Variants in BRINP3 observed in about 807,000 individuals in gnomAD.
BRINP3 encodes the protein BMP/retinoic acid inducible neural specific 3, also known as BMP/retinoic acid-inducible neural-specific protein 3.
In BRINP3, 19 loss-of-function variants were observed where a neutral mutation model predicts 71.0. The observed-to-expected ratio is 0.27, with a 90% CI of 0.19 to 0.39. BRINP3 has a LOEUF of 0.39. Ranked by LOEUF, BRINP3 falls within the 10% of genes least tolerant of loss-of-function variation. The pLI is 1.00. For missense variants in BRINP3, 959 were observed against 940.8 expected, an observed-to-expected ratio of 1.02 and a Z score of -0.25; for synonymous variants, 380 against 337.7, an observed-to-expected ratio of 1.13 and a Z score of -1.37.
intron 2 of BRINP3, among the ~76,000 whole-genome samples, chr1:190,399,907 G>A (rs780376262): frequency 1.3e-5 from 2 of 151,986 alleles, no homozygotes; most frequent in Non-Finnish European, 2.9e-5. Flanking sequence ...TTTAAGTGGA[G>A]ATCTTAAATT....
intron 6 of BRINP3, among the ~76,000 whole-genome samples, chr1:190,197,459 TAA>T (rs1553257672): frequency 6.6e-6 from 1 of 152,186 alleles, no homozygotes; most frequent in Non-Finnish European, 1.5e-5. Context: ...TATGAGGCTG[TAA>T]AATCAAAAGC....
At chr1:190,164,156 T>A (rs1203457730) in intron 6 of BRINP3, among the ~76,000 whole-genome samples, 1 of 152,078 alleles carries the variant, frequency 6.6e-6, no homozygotes, top group Admixed American at 6.6e-5. Flanking sequence ...CTAATAAACG[T>A]AAAAAAACTT....
intron 7 of BRINP3, among the ~76,000 whole-genome samples, chr1:190,103,649 A>G (rs1017271928): frequency 2.7e-4 from 41 of 152,066 alleles, no homozygotes; most frequent in Admixed American, 5.9e-4. Context: ...CTAACCATCA[A>G]TATGGAGGAA....
intron 2 of BRINP3, among the ~76,000 whole-genome samples, chr1:190,365,718 TA>T (rs1001897505): frequency 2.1e-5 from 3 of 146,006 alleles, no homozygotes; most frequent in African/African-American, 5.0e-5. Context: ...ATAATAGTGC[TA>T]TAATATTAAA....
chr1:190,364,062 G>GA (rs11343283), intron 2 of BRINP3, among the ~76,000 whole-genome samples: 4 of 151,284 alleles, frequency 2.6e-5, no homozygotes, highest in Non-Finnish European at 4.4e-5. Flanking sequence ...CTCCTTCTTA[G>GA]AAAAAAAAAA....
chr1:190,410,239 T>C (rs1672574672), intron 2 of BRINP3, among the ~76,000 whole-genome samples: 1 of 152,080 alleles, frequency 6.6e-6, no homozygotes, highest in Non-Finnish European at 1.5e-5. Flanking sequence ...CATACTCCTT[T>C]GCTAGTCAAT....
chr1:190,114,081 A>G (rs1472721674), intron 7 of BRINP3, among the ~76,000 whole-genome samples: 1 of 152,126 alleles, frequency 6.6e-6, no homozygotes, highest in East Asian at 1.9e-4. Context: ...GCCTGGGGGA[A>G]GGTGATCAGA....
chr1:190,432,189 C>T (rs1674144022), intron 2 of BRINP3, among the ~76,000 whole-genome samples: 1 of 152,136 alleles, frequency 6.6e-6, no homozygotes, highest in Non-Finnish European at 1.5e-5. Flanking sequence ...TCACATGAGT[C>T]AAATTATGGC....
chr1:190,253,477 T>C (rs1260273975), intron 4 of BRINP3, among the ~76,000 whole-genome samples: 1 of 152,224 alleles, frequency 6.6e-6, no homozygotes, highest in Non-Finnish European at 1.5e-5. Context: ...ATAACTGGTA[T>C]GAAATGGTAT....
chr1:190,167,615 A>AG (rs1457549716), intron 6 of BRINP3, among the ~76,000 whole-genome samples: 2 of 152,218 alleles, frequency 1.3e-5, no homozygotes, highest in African/African-American at 4.8e-5. Context: ...CTTTGACCCC[A>AG]GGATTGAATT....
chr1:190,166,023 A>G (rs1406703165), intron 6 of BRINP3, among the ~76,000 whole-genome samples: 1 of 152,148 alleles, frequency 6.6e-6, no homozygotes, highest in African/African-American at 2.4e-5. Context: ...GACTATTTCA[A>G]TGATTTGTAT....
At chr1:190,205,186 T>C (rs1430851771) in intron 6 of BRINP3, among the ~76,000 whole-genome samples, 2 of 151,864 alleles carry the variant, frequency 1.3e-5, no homozygotes, top group African/African-American at 2.4e-5. Flanking sequence ...GCAACATCCA[T>C]GTACTATAGA....
chr1:190,473,538 CTCT>C (rs1677284515), intron 1 of BRINP3, among the ~76,000 whole-genome samples: 1 of 122,162 alleles, frequency 8.2e-6, no homozygotes, highest in Admixed American at 8.2e-5. Flanking sequence ...AGTAATTTTT[CTCT>C]TTTTTTTTTT....
At chr1:190,342,967 G>T (rs759203996) in intron 2 of BRINP3, among the ~76,000 whole-genome samples, 19 of 151,840 alleles carry the variant, frequency 1.3e-4, no homozygotes, top group Admixed American at 5.9e-4. Flanking sequence ...TTGAATACAA[G>T]TTTAAGGAGG....
chr1:190,190,695 G>A (rs1207201665), intron 6 of BRINP3, among the ~76,000 whole-genome samples: 1 of 151,766 alleles, frequency 6.6e-6, no homozygotes, highest in African/African-American at 2.4e-5. Context: ...AAGACATAGG[G>A]AAAATCAAAG....
rs564375087 is a variant in BRINP3 at position 190,376,425 on chromosome 1, T to C, written c.236+78230A>G. The stretch of plus-strand genomic sequence containing the variant: ...TTAAATGAAATCAGGCTATCATCTG[T>C]CTGCCTACTTATTTATAACTGGTTT... On this transcript the variant is annotated intron_variant, in intron 2 of 7. Coordinates refer to ENST00000367462, the MANE Select transcript of BRINP3 (RefSeq NM_199051.3). Among the ~76,000 whole-genome samples, 4 of 152,192 alleles carry C rather than the reference T, an allele frequency of 2.6e-5. No individual in the cohort carries two copies. The East Asian group carries it at 7.7e-4, about 29-fold the overall frequency.
rs185797099 is a variant in BRINP3, at chr1:190,119,542, G to A, written c.1185-20408C>T. Among the ~76,000 whole-genome samples the A allele has an allele frequency of 3.1e-3, 465 of 152,146 alleles. 3 individuals are homozygous for A. Among genetic ancestry groups the A allele is most frequent in the African/African-American group, 0.011 (452 of 41,524 alleles). The stretch of plus-strand genomic sequence containing the variant: ...CCCTCTTCAGCCTCCCAAAGTGCTG[G>A]GATGAATGAATTGGAGTGCCTTATG... On this transcript the variant is annotated intron_variant, in intron 7 of 7. Transcript: ENST00000367462.
intron 6 of BRINP3, among the ~76,000 whole-genome samples, chr1:190,189,608 G>T (rs771796188): frequency 6.6e-6 from 1 of 150,900 alleles, no homozygotes; most frequent in African/African-American, 2.4e-5. Flanking sequence ...GTTTAACTTT[G>T]TTTTTAATTT....
At chr1:190,171,917 C>T (rs775734592) in intron 6 of BRINP3, among the ~76,000 whole-genome samples, 5 of 151,310 alleles carry the variant, frequency 3.3e-5, no homozygotes, top group South Asian at 2.1e-4. Flanking sequence ...GACCAGCCGG[C>T]GAAGCATAGT....
Sources: allele counts gnomAD v4.1 joint callset (sites outside exome capture counted in the v4.1 genomes callset), GRCh38; gene constraint gnomAD v4.1.1; transcripts MANE v1.5; gene names NCBI Gene and HGNC (gene_info 2026-07-23, HGNC 2026-07-21).